VPS13A: variants seen among roughly 807,000 people sequenced by gnomAD.
VPS13A encodes the protein intermembrane lipid transfer protein VPS13A.
Under a neutral mutation model 390.9 loss-of-function variants are expected in VPS13A, and 264 were observed. The observed-to-expected ratio is 0.68, with a 90% CI of 0.61 to 0.75. The LOEUF is 0.75. Ranked by LOEUF, VPS13A falls within the 30% of genes least tolerant of loss-of-function variation. The probability of loss-of-function intolerance (pLI) is 0.00; values close to 1 mark genes in which losing one functional copy is unlikely to be tolerated. For synonymous variants in VPS13A, 1,231 were observed against 1,227.1 expected (o/e 1.00, Z -0.07); for missense variants, 3,409 against 3,733.9 (o/e 0.91, Z 2.27).
intron 23 of VPS13A, among the ~76,000 whole-genome samples, chr9:77,262,368 A>G (rs1054526156): frequency 2.0e-5 from 3 of 152,018 alleles, no homozygotes; most frequent in African/African-American, 7.2e-5. Flanking sequence ...TTCTTTACTC[A>G]TGTTTAAATG....
chr9:77,370,963 T>G, intron 66 of VPS13A, 28 bp downstream of exon 66: 1 of 1,614,146 alleles, frequency 6.2e-7, no homozygotes, highest in Non-Finnish European at 8.5e-7. Context: ...TTTGCAAGTC[T>G]TTCTAAGTTG....
intron 17 of VPS13A, among the ~76,000 whole-genome samples, chr9:77,229,766 A>G (rs1418989692): frequency 6.6e-6 from 1 of 152,058 alleles, no homozygotes; most frequent in Admixed American, 6.6e-5. Flanking sequence ...GGTGGGTTTT[A>G]ATTTTCTTGG....
intron 1 of VPS13A, among the ~76,000 whole-genome samples, chr9:77,188,181 C>T (rs888438789): frequency 9.2e-5 from 14 of 152,158 alleles, no homozygotes; most frequent in African/African-American, 1.4e-4. Context: ...AAGCTTCCTG[C>T]GTCCTCCCCA....
rs1195649893 is a variant in VPS13A at position 77,314,551 on chromosome 9, G to A, written c.4299G>A (p.Glu1433=). Residue 1433 remains glutamate (E), a synonymous_variant, in exon 37 of 72, where the codon GAG becomes GAA. Transcript: ENST00000360280. ...TGAAACTTGCTGAATTTAAATTGGAGAATATTATAAGTACTTTAAAAATGT... is the reference window on the plus strand; with the variant it reads ...TGAAACTTGCTGAATTTAAATTGGAAAATATTATAAGTACTTTAAAAATGT... ...PSLKLAEFKL[E]NIISTLKMYT... 6.2e-7 allele frequency: 1 copy of A among 1,611,612 alleles called. No homozygotes were observed. The highest frequency in any genetic ancestry group is 8.5e-7 in the Non-Finnish European group (1 of 1,178,672).
chr9:77,201,490 T>C, intron 3 of VPS13A, 83 bp downstream of exon 3: 1 of 1,149,134 alleles, frequency 8.7e-7, no homozygotes, highest in Admixed American at 1.7e-5. Context: ...TTATGTGATA[T>C]TTTTCATGTT....
At chr9:77,320,625 A>G (rs1440753312) in intron 42 of VPS13A, among the ~76,000 whole-genome samples, 1 of 152,032 alleles carries the variant, frequency 6.6e-6, no homozygotes, top group Non-Finnish European at 1.5e-5. Flanking sequence ...TATTTTCCAG[A>G]TATTTTAGAT....
chr9:77,321,368 G>A (rs1263342774), intron 43 of VPS13A, 41 bp downstream of exon 43: 2 of 1,583,488 alleles, frequency 1.3e-6, no homozygotes, highest in African/African-American at 2.7e-5. Context: ...TGAGATACTT[G>A]TCTGATTGAT....
At chr9:77,289,783 T>C (rs950181099) in intron 31 of VPS13A, among the ~76,000 whole-genome samples, 2 of 133,640 alleles carry the variant, frequency 1.5e-5, no homozygotes, top group African/African-American at 7.0e-5. Context: ...CTTTCTCATT[T>C]CTTTTTTTTT....
At chr9:77,394,109 G>T (rs1240545386) in intron 68 of VPS13A, among the ~76,000 whole-genome samples, 2 of 152,032 alleles carry the variant, frequency 1.3e-5, no homozygotes, top group Non-Finnish European at 2.9e-5. Context: ...CTGTCACCCA[G>T]GCTGGAGTGC....
chr9:77,365,828 G>A (rs1331338733), intron 60 of VPS13A, among the ~76,000 whole-genome samples: 1 of 151,952 alleles, frequency 6.6e-6, no homozygotes, highest in Non-Finnish European at 1.5e-5. Context: ...GCTGTTAGGT[G>A]ACAATTTTCA....
intron 71 of VPS13A, among the ~76,000 whole-genome samples, chr9:77,409,433 A>G (rs758375420): frequency 4.9e-4 from 75 of 152,222 alleles, no homozygotes; most frequent in Admixed American, 9.2e-4. Flanking sequence ...CCAGCAATGG[A>G]ACAAAGCTGG....
intron 54 of VPS13A, 87 bp from the exon 55 acceptor site, chr9:77,356,627 A>C: frequency 1.4e-6 from 2 of 1,408,246 alleles, no homozygotes; most frequent in South Asian, 1.3e-5. Flanking sequence ...ATTTTAGTGA[A>C]GGTATTGTAA....
In VPS13A at chr9:77,228,108, T is replaced by G. The variant is rs973113167; in HGVS notation, c.1453-14T>G. On this transcript the variant is annotated splice_polypyrimidine_tract_variant and intron_variant, in intron 16 of 71. Coordinates refer to ENST00000360280, the MANE Select transcript of VPS13A (RefSeq NM_033305.3). ...TATATATGTTTTCATTTTATTCTTCTGAATATACCTTAGTTTGAAGCCTTG... is the reference window on the plus strand; with the variant it reads ...TATATATGTTTTCATTTTATTCTTCGGAATATACCTTAGTTTGAAGCCTTG... 6.4e-7 allele frequency: 1 copy of G among 1,559,718 alleles called. No homozygotes were observed. Among genetic ancestry groups the G allele is most frequent in the African/African-American group, 1.4e-5 (1 of 73,374 alleles).
chr9:77,221,822 C>G (rs1389956452), intron 13 of VPS13A, among the ~76,000 whole-genome samples: 3 of 152,098 alleles, frequency 2.0e-5, no homozygotes, highest in Admixed American at 6.6e-5. Flanking sequence ...CTTTATCTCT[C>G]TACCTACTCA....
At chr9:77,367,938 T>A in intron 61 of VPS13A, 117 bp from the exon 62 acceptor site, 1 of 945,452 alleles carries the variant, frequency 1.1e-6, no homozygotes, top group East Asian at 2.6e-5. Flanking sequence ...CATGGGAAAA[T>A]GTACTAGAAG....
chr9:77,412,526 C>A (rs9802712), intron 71 of VPS13A, among the ~76,000 whole-genome samples: 72,838 of 151,968 alleles, frequency 0.48, 17,871 homozygotes, highest in East Asian at 0.59. Flanking sequence ...CAGAAAAGGC[C>A]TTTGACGAAA....
rs140766747 is a variant in VPS13A at position 77,389,932 on chromosome 9, T to C, written c.9189+7845T>C. On this transcript the variant is annotated intron_variant, in intron 68 of 71. Transcript: ENST00000360280. ...GAAGGGAGGCTGTTTTTGTGTCTTG[T>C]ATATTTCTTTTCTTTCAGAAATTAC... 7 of 248,988 alleles carry C rather than the reference T, an allele frequency of 2.8e-5. No individual in the cohort carries two copies. The South Asian group carries it at 7.5e-4, about 27-fold the overall frequency. The allele number at this position is 248,988 out of a possible 1,614,324, so 15.4% of individuals were successfully genotyped here.
Position 77,353,605 on chromosome 9 carries a change from A to C in VPS13A, c.7616A>C (p.Tyr2539Ser). The change falls in exon 54 of 72, where the codon TAC becomes TCC. Residue 2539 changes from tyrosine to serine, a missense_variant. This residue lies in a region of VPS13A where 221 missense variants were observed against 300.7 expected (regional missense o/e 0.73). Transcript: ENST00000360280. ...GTTGGAATTTCTCTTGTCAACAATT[A>C]CACGAAGCAAGAAGTAGCCTATATA... ...QDVGISLVNN[Y>S]TKQEVAYIGI... is the part of the protein sequence containing the mutation. The C allele has an allele frequency of 6.2e-7, 1 of 1,613,518 alleles. No individual in the cohort carries two copies.
At chr9:77,276,651 G>A (rs55737074) in intron 26 of VPS13A, among the ~76,000 whole-genome samples, 11,872 of 152,178 alleles carry the variant, frequency 0.078, 585 homozygotes, top group East Asian at 0.12. Flanking sequence ...TCTAGAGGAG[G>A]GTCCATTTCA....
Sources: allele counts gnomAD v4.1 joint callset (sites outside exome capture counted in the v4.1 genomes callset), GRCh38; gene constraint gnomAD v4.1.1; regional missense constraint gnomAD v4.1.1; transcripts MANE v1.5; gene names NCBI Gene and HGNC (gene_info 2026-07-23, HGNC 2026-07-21).